The following HDAC9 variants were observed in gnomAD, a reference collection of about 807,000 sequenced individuals.
HDAC9 encodes the protein MEF-2 interacting transcription repressor (MITR) protein.
Under a neutral mutation model 139.4 loss-of-function variants are expected in HDAC9, and 41 were observed. The observed-to-expected ratio is 0.29, with a 90% confidence interval of 0.23 to 0.38. The LOEUF (loss-of-function observed/expected upper bound fraction) is 0.38. Ranked by LOEUF, HDAC9 falls within the 10% of genes least tolerant of loss-of-function variation. HDAC9 has a pLI of 1.00. For missense variants in HDAC9, 1,147 were observed against 1,297.0 expected (o/e 0.88, Z 1.78); for synonymous variants, 517 against 476.2 (o/e 1.09, Z -1.12).
chr7:18,635,762 C>A (rs372574590), intron 8 of HDAC9, among the ~76,000 whole-genome samples: 1 of 151,992 alleles, frequency 6.6e-6, no homozygotes, highest in South Asian at 2.1e-4. Context: ...AGGGACTGGT[C>A]AAGTCTCTTA....
intron 1 of HDAC9, among the ~76,000 whole-genome samples, chr7:18,303,423 G>T (rs1173518744): frequency 9.0e-6 from 1 of 110,874 alleles, no homozygotes. Flanking sequence ...GTGTGTGTGT[G>T]TTTTTAGTAG....
At chr7:18,453,880 C>T (rs1169201608) in intron 1 of HDAC9, among the ~76,000 whole-genome samples, 1 of 151,980 alleles carries the variant, frequency 6.6e-6, no homozygotes, top group East Asian at 1.9e-4. Flanking sequence ...TTTAGAATTG[C>T]CCAAAGACAA....
At chr7:18,303,507 A>G (rs1562856469) in intron 1 of HDAC9, among the ~76,000 whole-genome samples, 1 of 151,866 alleles carries the variant, frequency 6.6e-6, no homozygotes, top group Non-Finnish European at 1.5e-5. Context: ...TCGGGCTCCC[A>G]AAGTGCTGGG....
chr7:18,299,699 A>G (rs1411277973), intron 1 of HDAC9, among the ~76,000 whole-genome samples: 1 of 152,208 alleles, frequency 6.6e-6, no homozygotes, highest in African/African-American at 2.4e-5. Context: ...TGCTGGCTCA[A>G]GAAGGCAGGA....
intron 22 of HDAC9, among the ~76,000 whole-genome samples, chr7:18,879,869 C>T (rs1454437406): frequency 1.3e-5 from 2 of 152,138 alleles, no homozygotes; most frequent in African/African-American, 4.8e-5. Context: ...ACAGGGTTAA[C>T]AGACAGCCTA....
intron 2 of HDAC9, among the ~76,000 whole-genome samples, chr7:18,191,526 C>G (rs1011788041): frequency 7.2e-5 from 11 of 152,156 alleles, no homozygotes; most frequent in Admixed American, 5.9e-4. Context: ...AAATGTATTT[C>G]CTTGTGGCAG....
At chr7:18,352,521 T>G (rs1232430895) in intron 1 of HDAC9, among the ~76,000 whole-genome samples, 1 of 152,158 alleles carries the variant, frequency 6.6e-6, no homozygotes, top group Non-Finnish European at 1.5e-5. Flanking sequence ...CAGTGCAGTC[T>G]TATATTTGTT....
intron 2 of HDAC9, among the ~76,000 whole-genome samples, chr7:18,524,915 A>T (rs1314562018): frequency 6.6e-6 from 1 of 151,960 alleles, no homozygotes; most frequent in Non-Finnish European, 1.5e-5. Context: ...ACAGATAAGT[A>T]TATATATGGA....
At chr7:18,563,819 G>A (rs1821387335) in intron 2 of HDAC9, among the ~76,000 whole-genome samples, 1 of 147,568 alleles carries the variant, frequency 6.8e-6, no homozygotes, top group Non-Finnish European at 1.5e-5. Flanking sequence ...AGGTATACAT[G>A]TACCATGTTG....
At chr7:18,174,428 T>C (rs1788714330) in intron 2 of HDAC9, among the ~76,000 whole-genome samples, 1 of 152,226 alleles carries the variant, frequency 6.6e-6, no homozygotes, top group Non-Finnish European at 1.5e-5. Flanking sequence ...TTGTTATTAC[T>C]GACCTTCTGA....
chr7:18,142,745 C>G (rs1489564070), intron 1 of HDAC9, among the ~76,000 whole-genome samples: 1 of 152,224 alleles, frequency 6.6e-6, no homozygotes, highest in Non-Finnish European at 1.5e-5. Context: ...CAGACTTTTA[C>G]TTCCCTTGAA....
intron 1 of HDAC9, among the ~76,000 whole-genome samples, chr7:18,130,941 T>C (rs1018168207): frequency 1.3e-5 from 2 of 152,152 alleles, no homozygotes; most frequent in African/African-American, 4.8e-5. Context: ...AGTTTCCATA[T>C]TGCTAAATGA....
intron 2 of HDAC9, among the ~76,000 whole-genome samples, chr7:18,510,668 A>G (rs1563097842): frequency 2.0e-5 from 3 of 152,194 alleles, no homozygotes; most frequent in South Asian, 2.1e-4. Flanking sequence ...TTGATGAACA[A>G]TTTAATCAAA....
chr7:18,178,667 T>C (rs534008915), intron 2 of HDAC9, among the ~76,000 whole-genome samples: 6 of 152,174 alleles, frequency 3.9e-5, no homozygotes, highest in African/African-American at 4.8e-5. Flanking sequence ...TGATTTTTAA[T>C]TGTGGTTGAG....
At chr7:18,918,520 A>G (rs1288631204) in intron 22 of HDAC9, among the ~76,000 whole-genome samples, 1 of 152,102 alleles carries the variant, frequency 6.6e-6, no homozygotes, top group Non-Finnish European at 1.5e-5. Flanking sequence ...AATAGACATA[A>G]GAATTTTAGA....
At chr7:18,312,549 T>A (rs1054850583) in intron 1 of HDAC9, among the ~76,000 whole-genome samples, 3 of 152,158 alleles carry the variant, frequency 2.0e-5, no homozygotes, top group African/African-American at 7.2e-5. Flanking sequence ...TTAGAAGACA[T>A]TAGGTAATTT....
chr7:18,328,615 A>G lies in HDAC9; in HGVS notation c.-42+38100A>G, dbSNP rs1800654071. Reference sequence around the variant, plus strand: ...GTGTTCACATTTACTGATTGCAGATATTGAACCATCCTTTCATGTTTGGGA... The same window carrying G: ...GTGTTCACATTTACTGATTGCAGATGTTGAACCATCCTTTCATGTTTGGGA... On this transcript the variant is annotated intron_variant, in intron 1 of 3. Coordinates refer to the HDAC9 transcript ENST00000413509. 1.3e-5 allele frequency among the ~76,000 whole-genome samples: 2 copies of G among 151,946 alleles called. 1 individual carries two copies. The highest frequency in any genetic ancestry group is 1.3e-4 in the Admixed American group (2 of 15,210).
chr7:18,447,840 C>T (rs948702427), intron 1 of HDAC9, among the ~76,000 whole-genome samples: 3 of 152,072 alleles, frequency 2.0e-5, no homozygotes, highest in African/African-American at 4.8e-5. Flanking sequence ...ACAACTAGAG[C>T]GTATACAAAG....
intron 14 of HDAC9, among the ~76,000 whole-genome samples, chr7:18,754,005 G>A (rs1484321813): frequency 6.6e-6 from 1 of 152,028 alleles, no homozygotes; most frequent in East Asian, 1.9e-4. Context: ...AGTGTAAATT[G>A]GCTCTGCTTA....
Sources: gnomAD v4.1 joint callset for allele counts (sites outside exome capture counted in the v4.1 genomes callset) on GRCh38, gnomAD v4.1.1 for gene constraint, MANE v1.5 for transcripts, NCBI Gene and HGNC (gene_info 2026-07-23, HGNC 2026-07-21) for gene names.